Variants in SUPT3H observed in about 807,000 individuals in gnomAD.
SUPT3H encodes SPT3 homolog, SAGA and STAGA complex component.
SUPT3H carries 44 observed loss-of-function variants against 44.3 expected under a neutral mutation model. The ratio of observed to expected loss-of-function variants is 0.99; its 90% CI spans 0.78 to 1.28. SUPT3H has a LOEUF of 1.28. Among genes scored for constraint, SUPT3H ranks in the 50% most tolerant of loss-of-function variants. SUPT3H has a pLI of 0.00. For synonymous variants in SUPT3H, 124 were observed against 125.6 expected, an observed-to-expected ratio of 0.99 and a Z score of 0.09; for missense variants, 380 against 387.1, an observed-to-expected ratio of 0.98 and a Z score of 0.15.
intron 10 of SUPT3H, among the ~76,000 whole-genome samples, chr6:44,915,742 A>C (rs1187958594): frequency 1.3e-5 from 2 of 152,166 alleles, no homozygotes; most frequent in Non-Finnish European, 2.9e-5. Flanking sequence ...ACCAATTGCC[A>C]ATCAGAAAAA....
intron 2 of SUPT3H, among the ~76,000 whole-genome samples, chr6:45,189,374 G>A (rs1033979849): frequency 6.6e-5 from 10 of 152,052 alleles, no homozygotes; most frequent in African/African-American, 2.4e-4. Flanking sequence ...AATTTTTAAT[G>A]TGAATATATT....
At chr6:45,003,035 T>A (rs1245634708) in intron 6 of SUPT3H, among the ~76,000 whole-genome samples, 6 of 152,180 alleles carry the variant, frequency 3.9e-5, no homozygotes, top group South Asian at 2.1e-4. Flanking sequence ...TCATTTTACT[T>A]TAAATTTTTC....
chr6:45,023,641 G>A (rs1785498319), intron 3 of SUPT3H, among the ~76,000 whole-genome samples: 1 of 152,102 alleles, frequency 6.6e-6, no homozygotes, highest in Non-Finnish European at 1.5e-5. Flanking sequence ...GATGGAGTCG[G>A]AGGCTAACTA....
intron 2 of SUPT3H, among the ~76,000 whole-genome samples, chr6:45,209,390 G>A (rs1763724491): frequency 6.6e-6 from 1 of 152,140 alleles, no homozygotes; most frequent in African/African-American, 2.4e-5. Flanking sequence ...CATGGGAGAA[G>A]GTCAAAATAT....
chr6:45,204,754 C>T (rs995654819), intron 2 of SUPT3H, among the ~76,000 whole-genome samples: 2 of 152,304 alleles, frequency 1.3e-5, no homozygotes, highest in African/African-American at 4.8e-5. Context: ...ACAGAAACCA[C>T]CCCTAATAAC....
chr6:45,103,665 C>T (rs547107380), intron 3 of SUPT3H, among the ~76,000 whole-genome samples: 3 of 152,170 alleles, frequency 2.0e-5, no homozygotes, highest in South Asian at 2.1e-4. Flanking sequence ...TTTGGAGAAA[C>T]ACTAAAGGCC....
Position 45,038,991 on chromosome 6 carries a change from T to C in SUPT3H, c.187-18359A>G, listed in dbSNP as rs146943841. 2.0e-3 allele frequency among the ~76,000 whole-genome samples: 312 copies of C among 152,262 alleles called. 3 individuals are homozygous for C. Among genetic ancestry groups the C allele is most frequent in the African/African-American group, 7.2e-3 (301 of 41,584 alleles). On this transcript the variant is annotated intron_variant, in intron 3 of 10. Coordinates refer to ENST00000371459, the MANE Select transcript of SUPT3H (RefSeq NM_003599.4). ...TTTCCAGGGAAAAATTATGTTTCTGTTCTTTAAGGTGTATTTTTAAATTAA... is the reference window on the plus strand; with the variant it reads ...TTTCCAGGGAAAAATTATGTTTCTGCTCTTTAAGGTGTATTTTTAAATTAA...
intron 2 of SUPT3H, chr6:45,328,425 G>A (rs780243518): frequency 1.5e-5 from 21 of 1,431,956 alleles, no homozygotes; most frequent in Middle Eastern, 2.0e-4. Flanking sequence ...GTTAATCTCC[G>A]CAGGTCACTA....
chr6:45,166,478 G>A (rs935495240), intron 2 of SUPT3H, among the ~76,000 whole-genome samples: 14 of 151,350 alleles, frequency 9.3e-5, no homozygotes, highest in Admixed American at 3.3e-4. Context: ...CCAGCTACTC[G>A]GGAGGCTGAG....
At chr6:45,253,342 T>A (rs1755346774) in intron 2 of SUPT3H, among the ~76,000 whole-genome samples, 1 of 152,200 alleles carries the variant, frequency 6.6e-6, no homozygotes, top group African/African-American at 2.4e-5. Flanking sequence ...AAACCTATTT[T>A]TGTAGACAAC....
intron 10 of SUPT3H, among the ~76,000 whole-genome samples, chr6:44,906,140 T>C (rs1370923166): frequency 6.6e-6 from 1 of 152,208 alleles, no homozygotes. Context: ...AACCTGCACA[T>C]TGTGCACATG....
At chr6:45,183,793 C>T (rs1168618533) in intron 2 of SUPT3H, among the ~76,000 whole-genome samples, 1 of 152,154 alleles carries the variant, frequency 6.6e-6, no homozygotes, top group Non-Finnish European at 1.5e-5. Context: ...GAACCTTAAA[C>T]GTACCTTGCT....
At chr6:45,053,154 C>T (rs996431131) in intron 3 of SUPT3H, among the ~76,000 whole-genome samples, 1 of 151,804 alleles carries the variant, frequency 6.6e-6, no homozygotes, top group African/African-American at 2.4e-5. Context: ...CCTGCCTAGG[C>T]CTTCTTAGTA....
chr6:44,818,374 C>G (rs1056663422), intron 11 of SUPT3H, among the ~76,000 whole-genome samples: 3 of 151,734 alleles, frequency 2.0e-5, no homozygotes, highest in Non-Finnish European at 4.4e-5. Flanking sequence ...TAAAAGAAAA[C>G]ATAGGAGAAA....
intron 2 of SUPT3H, chr6:45,159,183 T>G (rs975929423): frequency 1.3e-5 from 2 of 152,194 alleles, no homozygotes; most frequent in African/African-American, 4.8e-5. Context: ...CTGACCAGAT[T>G]TGATCAAGCT....
At chr6:45,316,235 G>A (rs1005975725) in intron 2 of SUPT3H, among the ~76,000 whole-genome samples, 1 of 151,950 alleles carries the variant, frequency 6.6e-6, no homozygotes. Context: ...TATACTGCTC[G>A]GGTGATGGGT....
At chr6:44,823,422 C>T (rs1265572459), downstream of SUPT3H, among the ~76,000 whole-genome samples, 2 of 152,128 alleles carry the variant, frequency 1.3e-5, no homozygotes, top group African/African-American at 2.4e-5. Flanking sequence ...TTGCATACTG[C>T]TAACAGAAAC....
At chr6:45,090,915 AAC>A (rs749263719) in intron 3 of SUPT3H, among the ~76,000 whole-genome samples, 8 of 151,932 alleles carry the variant, frequency 5.3e-5, no homozygotes, top group Non-Finnish European at 8.8e-5. Flanking sequence ...TCTTAATAAA[AAC>A]AGTCTACAAA....
intron 2 of SUPT3H, among the ~76,000 whole-genome samples, chr6:45,246,988 T>C (rs1321116874): frequency 6.6e-6 from 1 of 152,126 alleles, no homozygotes; most frequent in Non-Finnish European, 1.5e-5. Flanking sequence ...AAATCAATGA[T>C]ATTGAAAACA....
Sources: gnomAD v4.1 joint callset for allele counts (sites outside exome capture counted in the v4.1 genomes callset) on GRCh38, gnomAD v4.1.1 for gene constraint, MANE v1.5 for transcripts, NCBI Gene and HGNC (gene_info 2026-07-23, HGNC 2026-07-21) for gene names.